The following ARSG variants were observed in gnomAD, a reference collection of about 807,000 sequenced individuals.
ARSG encodes the protein arylsulfatase G, also known as ASG.
Under a neutral mutation model 50.5 loss-of-function variants are expected in ARSG, and 37 were observed. The observed-to-expected ratio is 0.73, with a 90% CI of 0.56 to 0.96. The LOEUF is 0.96. Ranked by LOEUF, ARSG falls within the 50% of genes least tolerant of loss-of-function variation. The probability of loss-of-function intolerance (pLI) is 0.00; values close to 1 mark genes in which losing one functional copy is unlikely to be tolerated. For synonymous variants in ARSG, 225 were observed against 254.6 expected, an observed-to-expected ratio of 0.88 and a Z score of 1.11; for missense variants, 629 against 675.3, an observed-to-expected ratio of 0.93 and a Z score of 0.76.
intron 8 of ARSG, among the ~76,000 whole-genome samples, chr17:68,382,190 C>T (rs936931743): frequency 2.0e-5 from 3 of 152,108 alleles, no homozygotes; most frequent in Non-Finnish European, 2.9e-5. Context: ...CATGATCTGC[C>T]CACCTCAGCC....
chr17:68,309,163 C>T (rs1265577294), intron 2 of ARSG, among the ~76,000 whole-genome samples: 1 of 152,244 alleles, frequency 6.6e-6, no homozygotes, highest in Non-Finnish European at 1.5e-5. Flanking sequence ...GTTCTAAGCC[C>T]CTCATTGCCC....
intron 8 of ARSG, among the ~76,000 whole-genome samples, chr17:68,376,276 C>CGTTTTTTTTTTTT (rs149045241): frequency 7.6e-6 from 1 of 131,942 alleles, no homozygotes. Context: ...GCGCCCCCTG[C>CGTTTTTTTTTTTT]ATTTTTTTTT....
chr17:68,387,757 A>C (rs935765851), intron 9 of ARSG, among the ~76,000 whole-genome samples: 4 of 152,200 alleles, frequency 2.6e-5, no homozygotes, highest in African/African-American at 9.6e-5. Flanking sequence ...CAGATCAGAG[A>C]TAACTCCCTT....
At chr17:68,450,489 C>A in the ARSG span, among the ~76,000 whole-genome samples, 2 of 152,346 alleles carry the variant, frequency 1.3e-5, no homozygotes, top group East Asian at 3.9e-4. Context: ...AGGGTGCAGC[C>A]TACCAGTCAG....
chr17:68,428,816 G>A, the ARSG span: 1 of 1,599,530 alleles, frequency 6.3e-7, no homozygotes, highest in Non-Finnish European at 8.6e-7. Flanking sequence ...CTTTTGAAAA[G>A]CAGTCTCTTC....
chr17:68,354,022 C>CTTTT (rs1239565009), intron 5 of ARSG, among the ~76,000 whole-genome samples: 1 of 93,812 alleles, frequency 1.1e-5, no homozygotes, highest in African/African-American at 3.8e-5. Flanking sequence ...TCTTCTTGTT[C>CTTTT]TTTTTTTTTT....
chr17:68,272,618 A>C (rs1458516864), intron 1 of ARSG: 2 of 1,611,614 alleles, frequency 1.2e-6, no homozygotes, highest in Non-Finnish European at 1.7e-6. Context: ...ATTCATACTT[A>C]GGCTGTTGTA....
At chr17:68,335,265 A>G (rs1286582569) in intron 2 of ARSG, among the ~76,000 whole-genome samples, 1 of 152,046 alleles carries the variant, frequency 6.6e-6, no homozygotes, top group Non-Finnish European at 1.5e-5. Context: ...TGAGTGTTAT[A>G]AGAGATATGT....
intron 1 of ARSG, chr17:68,274,011 C>T (rs1201386409): frequency 3.7e-6 from 6 of 1,614,086 alleles, no homozygotes; most frequent in Non-Finnish European, 5.1e-6. Flanking sequence ...ACAAGTAGCC[C>T]CCCCAACATC....
the ARSG span, among the ~76,000 whole-genome samples, chr17:68,443,563 C>T: frequency 7.1e-6 from 1 of 140,680 alleles, no homozygotes; most frequent in Non-Finnish European, 1.6e-5. Context: ...CTTTCACAAA[C>T]ATTACCTTGT....
At chr17:68,437,014 A>ATGTGTGTGTGTGTGTGTGTGTG in the ARSG span, among the ~76,000 whole-genome samples, 7 of 82,142 alleles carry the variant, frequency 8.5e-5, no homozygotes, top group East Asian at 9.8e-4. Context: ...AAATATATAT[A>ATGTGTGTGTGTGTGTGTGTGTG]TATGTGTGTG....
the ARSG span, chr17:68,428,943 GC>G: frequency 6.2e-7 from 1 of 1,608,670 alleles, no homozygotes; most frequent in South Asian, 1.1e-5. Context: ...GATCCTAAGG[GC>G]CAAGGAAAAC....
intron 1 of ARSG, among the ~76,000 whole-genome samples, chr17:68,282,108 C>T (rs1417826168): frequency 4.6e-5 from 7 of 152,140 alleles, no homozygotes; most frequent in African/African-American, 1.7e-4. Context: ...ATCCAAATGT[C>T]CATCAATGAT....
chr17:68,317,023 C>G (rs2077092860), intron 2 of ARSG, among the ~76,000 whole-genome samples: 1 of 152,050 alleles, frequency 6.6e-6, no homozygotes, highest in Admixed American at 6.6e-5. Context: ...AGTTTGTGGC[C>G]AGCGCACACG....
At chr17:68,298,648 A>C (rs1568433712) in intron 1 of ARSG, among the ~76,000 whole-genome samples, 1 of 151,928 alleles carries the variant, frequency 6.6e-6, no homozygotes, top group Non-Finnish European at 1.5e-5. Context: ...TAACAACAGA[A>C]ATTTACAAAA....
At chr17:68,331,253 C>G (rs540127157) in intron 2 of ARSG, among the ~76,000 whole-genome samples, 9 of 124,242 alleles carry the variant, frequency 7.2e-5, no homozygotes, top group African/African-American at 1.3e-4. Context: ...TTCTTTCTTT[C>G]TTTCTTTCTT....
intron 1 of ARSG, among the ~76,000 whole-genome samples, chr17:68,273,657 T>C (rs563272613): frequency 2.6e-5 from 4 of 152,210 alleles, no homozygotes; most frequent in Admixed American, 6.5e-5. Flanking sequence ...TTTGTAAAAA[T>C]GCTATCTTTT....
intron 8 of ARSG, among the ~76,000 whole-genome samples, chr17:68,384,711 C>T (rs1211596059): frequency 6.6e-6 from 1 of 152,012 alleles, no homozygotes; most frequent in Non-Finnish European, 1.5e-5. Context: ...TTTGCTAAGC[C>T]CCACTATGTC....
At chr17:68,359,079 C>T (rs543782358) in intron 6 of ARSG, among the ~76,000 whole-genome samples, 2 of 152,080 alleles carry the variant, frequency 1.3e-5, no homozygotes, top group South Asian at 2.1e-4. Flanking sequence ...AGGAGAATGG[C>T]GTGAACCCGG....
Sources: gnomAD v4.1 joint callset for allele counts (sites outside exome capture counted in the v4.1 genomes callset) on GRCh38, gnomAD v4.1.1 for gene constraint, MANE v1.5 for transcripts, NCBI Gene and HGNC (gene_info 2026-07-23, HGNC 2026-07-21) for gene names.